The following PSPC1 variants were observed in gnomAD, a reference collection of about 807,000 sequenced individuals.
The protein encoded by PSPC1 is paraspeckle protein 1.
In PSPC1, 14 loss-of-function variants were observed where a neutral mutation model predicts 51.6. The ratio of observed to expected loss-of-function variants is 0.27; its 90% CI spans 0.18 to 0.42. PSPC1 has a LOEUF of 0.42. Among genes scored for constraint, PSPC1 ranks in the 10% least tolerant of loss-of-function variants. The pLI is 1.00. For missense variants in PSPC1, 406 were observed against 701.1 expected (o/e 0.58, Z 4.75); for synonymous variants, 193 against 231.9 (o/e 0.83, Z 1.53).
chr13:19,706,868 C>A (rs932260287), intron 7 of PSPC1, among the ~76,000 whole-genome samples: 1 of 152,132 alleles, frequency 6.6e-6, no homozygotes, highest in African/African-American at 2.4e-5. Flanking sequence ...CAGCCCCTGG[C>A]ATCATACTTC....
At chr13:19,742,388 C>T (rs943726501) in intron 4 of PSPC1, among the ~76,000 whole-genome samples, 13 of 151,464 alleles carry the variant, frequency 8.6e-5, no homozygotes, top group Admixed American at 6.6e-4. Flanking sequence ...CGGATCACTT[C>T]GGCCGAGGAG....
chr13:19,773,704 G>A (rs1038218997), intron 1 of PSPC1, among the ~76,000 whole-genome samples: 5 of 151,886 alleles, frequency 3.3e-5, no homozygotes, highest in Non-Finnish European at 5.9e-5. Context: ...TGGTGCCCAG[G>A]CTGGAGTACA....
chr13:19,747,704 T>G (rs1040939474), intron 4 of PSPC1, among the ~76,000 whole-genome samples: 2 of 151,986 alleles, frequency 1.3e-5, no homozygotes, highest in African/African-American at 4.8e-5. Flanking sequence ...CATATGCAAA[T>G]TTTTTTTCAT....
chr13:19,736,906 A>G (rs966005437), intron 5 of PSPC1: 5 of 152,016 alleles, frequency 3.3e-5, no homozygotes, highest in Admixed American at 2.0e-4. Context: ...TTTCCTCACT[A>G]ATCTTTTTTT....
intron 1 of PSPC1, among the ~76,000 whole-genome samples, chr13:19,780,903 T>A (rs1889885913): frequency 6.6e-6 from 1 of 152,150 alleles, no homozygotes; most frequent in Admixed American, 6.6e-5. Flanking sequence ...CACCCTGTAA[T>A]CCCAGCACTT....
chr13:19,714,685 G>A (rs980333186), intron 6 of PSPC1, among the ~76,000 whole-genome samples: 2 of 151,776 alleles, frequency 1.3e-5, no homozygotes, highest in African/African-American at 4.8e-5. Context: ...TGTAGAAATG[G>A]GGTTTTACCA....
At chr13:19,745,619 ATT>A (rs1162271178) in intron 4 of PSPC1, among the ~76,000 whole-genome samples, 16 of 140,730 alleles carry the variant, frequency 1.1e-4, no homozygotes, top group African/African-American at 1.0e-4. Context: ...CACTGAATTA[ATT>A]TTTTTTTTTT....
chr13:19,713,545 C>CAAAAAAAAA (rs61024238), intron 6 of PSPC1, among the ~76,000 whole-genome samples: 5 of 87,220 alleles, frequency 5.7e-5, no homozygotes, highest in Non-Finnish European at 8.3e-5. Context: ...CCCAGACAGC[C>CAAAAAAAAA]AAAAAAAAAA....
chr13:19,686,100 C>T (rs372623166), intron 6 of PSPC1, among the ~76,000 whole-genome samples: 1 of 152,198 alleles, frequency 6.6e-6, no homozygotes, highest in East Asian at 1.9e-4. Context: ...CCACTCAATT[C>T]TCTATTAAGT....
chr13:19,686,347 G>A (rs1877874278), intron 6 of PSPC1, among the ~76,000 whole-genome samples: 1 of 152,170 alleles, frequency 6.6e-6, no homozygotes, highest in Non-Finnish European at 1.5e-5. Flanking sequence ...AGATTTAACA[G>A]ATAGACTTAC....
intron 5 of PSPC1, among the ~76,000 whole-genome samples, chr13:19,738,075 G>T (rs1366981115): frequency 2.6e-5 from 4 of 152,086 alleles, no homozygotes; most frequent in Admixed American, 1.3e-4. Flanking sequence ...GAGTGACAGG[G>T]CAAGACCTTG....
chr13:19,724,796 C>T lies in PSPC1; in HGVS notation c.1158+5443G>A, dbSNP rs533242631. On this transcript the variant is annotated intron_variant, in intron 6 of 8. Coordinates refer to ENST00000338910, the MANE Select transcript of PSPC1 (RefSeq NM_001354909.2). ...GGCGGATCACCTGAGGTCAAGAGAT[C>T]GAGACCATCCTGGCCAACATGGTGA... 1.7e-4 allele frequency among the ~76,000 whole-genome samples: 26 copies of T among 152,234 alleles called. 1 individual carries two copies. Among genetic ancestry groups the T allele is most frequent in the African/African-American group, 6.3e-4 (26 of 41,550 alleles).
intron 7 of PSPC1, among the ~76,000 whole-genome samples, chr13:19,708,360 T>C (rs1880964764): frequency 6.6e-6 from 1 of 152,248 alleles, no homozygotes; most frequent in South Asian, 2.1e-4. Context: ...TTTTAAGTTA[T>C]ATAAAGATTT....
rs117038058 is a variant in PSPC1, at chr13:19,749,352, T to G, written c.967+1919A>C. On this transcript the variant is annotated intron_variant, in intron 4 of 8. Transcript: ENST00000338910. ...GACAACAGTGAGACTCCATCTCAAA[T>G]TTTAAAAAAGCAAAAAAATTAGCTG... 4.6e-3 allele frequency among the ~76,000 whole-genome samples: 689 copies of G among 151,214 alleles called. 5 individuals carry two copies. The highest frequency in any genetic ancestry group is 0.027 in the South Asian group (127 of 4,742).
chr13:19,686,429 G>C (rs1029273830), intron 6 of PSPC1, among the ~76,000 whole-genome samples: 4 of 152,126 alleles, frequency 2.6e-5, no homozygotes, highest in African/African-American at 9.7e-5. Flanking sequence ...AGGTCTAAAA[G>C]GCCTTCTGTG....
chr13:19,725,503 G>A (rs761695919), intron 6 of PSPC1, among the ~76,000 whole-genome samples: 68 of 152,270 alleles, frequency 4.5e-4, no homozygotes, highest in Middle Eastern at 3.4e-3. Flanking sequence ...CAGGTAAAGG[G>A]TCAGGTGTAA....
At chr13:19,677,107 C>A (rs1007896425) in intron 7 of PSPC1, among the ~76,000 whole-genome samples, 2 of 152,034 alleles carry the variant, frequency 1.3e-5, no homozygotes, top group Non-Finnish European at 2.9e-5. Context: ...GTGGCAGGCG[C>A]CTGTGGTCCC....
chr13:19,761,617 A>G (rs1887612115), intron 2 of PSPC1, among the ~76,000 whole-genome samples: 1 of 152,214 alleles, frequency 6.6e-6, no homozygotes, highest in Non-Finnish European at 1.5e-5. Context: ...CATTTTAAGG[A>G]AACAGTTAAA....
Position 19,703,315 on chromosome 13 carries a change from G to T in PSPC1, c.1432C>A (p.Pro478Thr). The T allele has an allele frequency of 6.2e-7, 1 of 1,613,468 alleles. No individual in the cohort carries two copies. The highest frequency in any genetic ancestry group is 8.5e-7 in the Non-Finnish European group (1 of 1,179,436). The change falls in exon 9 of 9, where the codon CCT becomes ACT. Residue 478 changes from proline to threonine, a missense_variant. By Grantham distance (38) the Pro-to-Thr change is conservative. Coordinates refer to ENST00000338910, the MANE Select transcript of PSPC1 (RefSeq NM_001354909.2). ...PQGPPSQMGS[P>T]MGSRTGSETP... ...TCAGAACCTGTTCTACTCCCCATAG[G>T]TGAACCCATCTGAGATGGTGGTCCT...
Sources: allele counts gnomAD v4.1 joint callset (sites outside exome capture counted in the v4.1 genomes callset), GRCh38; gene constraint gnomAD v4.1.1; transcripts MANE v1.5; gene names NCBI Gene and HGNC (gene_info 2026-07-23, HGNC 2026-07-21).